The following CDKAL1 variants were observed in gnomAD, a reference collection of about 807,000 sequenced individuals.
The protein encoded by CDKAL1 is threonylcarbamoyladenosine tRNA methylthiotransferase.
In CDKAL1, 32 loss-of-function variants were observed where a neutral mutation model predicts 68.2. That is an observed-to-expected ratio of 0.47 (90% CI 0.35 to 0.63). The LOEUF (loss-of-function observed/expected upper bound fraction) is 0.63. Ranked by LOEUF, CDKAL1 falls within the 30% of genes least tolerant of loss-of-function variation. The pLI is 0.00. For missense variants in CDKAL1, 606 were observed against 696.7 expected (o/e 0.87, Z 1.47); for synonymous variants, 234 against 244.3 (o/e 0.96, Z 0.39).
intron 9 of CDKAL1, among the ~76,000 whole-genome samples, chr6:20,931,547 A>G (rs754777015): frequency 6.6e-6 from 1 of 152,190 alleles, no homozygotes; most frequent in Non-Finnish European, 1.5e-5. Context: ...TTCTTTCCAA[A>G]AATGTGTGGT....
chr6:20,710,448 C>G (rs1015420607), intron 5 of CDKAL1, among the ~76,000 whole-genome samples: 1 of 152,162 alleles, frequency 6.6e-6, no homozygotes, highest in Admixed American at 6.5e-5. Flanking sequence ...GTGCAGTAGG[C>G]TGTACCATCT....
intron 4 of CDKAL1, among the ~76,000 whole-genome samples, chr6:20,590,331 AATTTT>A (rs1290536207): frequency 2.0e-5 from 3 of 151,372 alleles, no homozygotes; most frequent in African/African-American, 7.4e-5. Flanking sequence ...AGGGCACCAT[AATTTT>A]ATTTTTTTGT....
chr6:20,558,014 A>G (rs1764128500), intron 4 of CDKAL1, among the ~76,000 whole-genome samples: 2 of 152,220 alleles, frequency 1.3e-5, no homozygotes, highest in South Asian at 4.1e-4. Flanking sequence ...TCCTGTGGAA[A>G]TGTGCTTATG....
intron 10 of CDKAL1, among the ~76,000 whole-genome samples, chr6:20,991,286 T>A (rs767606691): frequency 6.6e-6 from 1 of 152,142 alleles, no homozygotes; most frequent in Non-Finnish European, 1.5e-5. Flanking sequence ...ATGGGAGAGT[T>A]GTTTAATGGG....
chr6:20,837,937 TTG>T (rs531904726), intron 8 of CDKAL1, among the ~76,000 whole-genome samples: 4,402 of 123,122 alleles, frequency 0.036, 78 homozygotes, highest in African/African-American at 0.043. Context: ...TGGGAAGAAA[TTG>T]TGTGTGTGTG....
intron 9 of CDKAL1, among the ~76,000 whole-genome samples, chr6:20,877,571 C>T (rs1286660950): frequency 6.6e-6 from 1 of 152,206 alleles, no homozygotes; most frequent in Non-Finnish European, 1.5e-5. Flanking sequence ...TGTATTACCG[C>T]AGCTGGCCCT....
chr6:20,985,160 T>C (rs1324250725), intron 10 of CDKAL1, among the ~76,000 whole-genome samples: 1 of 152,220 alleles, frequency 6.6e-6, no homozygotes, highest in Non-Finnish European at 1.5e-5. Context: ...CATTCATATG[T>C]ATGTTGCATA....
chr6:21,160,228 C>T (rs1209842453), intron 13 of CDKAL1, among the ~76,000 whole-genome samples: 1 of 152,128 alleles, frequency 6.6e-6, no homozygotes, highest in African/African-American at 2.4e-5. Context: ...AAAATGGCTC[C>T]TGAGCAGTCA....
intron 5 of CDKAL1, among the ~76,000 whole-genome samples, chr6:20,672,987 G>T (rs112190195): frequency 6.6e-6 from 1 of 152,076 alleles, no homozygotes; most frequent in Non-Finnish European, 1.5e-5. Context: ...ATGTTGGCCA[G>T]GCTGGTCTTG....
At chr6:20,891,333 C>G (rs1377142531) in intron 9 of CDKAL1, among the ~76,000 whole-genome samples, 1 of 152,128 alleles carries the variant, frequency 6.6e-6, no homozygotes, top group Non-Finnish European at 1.5e-5. Flanking sequence ...GGCTTGAGCT[C>G]TGACGTGATC....
chr6:20,842,794 G>A (rs1182357671), intron 8 of CDKAL1, among the ~76,000 whole-genome samples: 3 of 152,168 alleles, frequency 2.0e-5, no homozygotes, highest in African/African-American at 4.8e-5. Flanking sequence ...TCACGACATT[G>A]CACTTCAGTC....
At chr6:20,843,799 T>A (rs1581685954) in intron 8 of CDKAL1, among the ~76,000 whole-genome samples, 1 of 152,132 alleles carries the variant, frequency 6.6e-6, no homozygotes, top group East Asian at 1.9e-4. Flanking sequence ...TTTATGGAGC[T>A]TTCCATTGGT....
At chr6:21,124,143 A>G (rs566520952) in intron 13 of CDKAL1, among the ~76,000 whole-genome samples, 22 of 152,350 alleles carry the variant, frequency 1.4e-4, no homozygotes, top group Admixed American at 6.5e-4. Flanking sequence ...TTGAATATGT[A>G]ATAGATATGT....
chr6:20,560,067 C>G (rs1764208262), intron 4 of CDKAL1, among the ~76,000 whole-genome samples: 1 of 152,034 alleles, frequency 6.6e-6, no homozygotes, highest in Non-Finnish European at 1.5e-5. Flanking sequence ...TTAAAATTGT[C>G]ATGTGTTTGG....
At chr6:21,039,522 T>A (rs1434020798) in intron 11 of CDKAL1, among the ~76,000 whole-genome samples, 4 of 152,212 alleles carry the variant, frequency 2.6e-5, no homozygotes, top group Non-Finnish European at 5.9e-5. Context: ...ACAGTAAGCT[T>A]TATTGATAGT....
chr6:20,962,703 G>T (rs1765111717), intron 10 of CDKAL1, among the ~76,000 whole-genome samples: 1 of 151,970 alleles, frequency 6.6e-6, no homozygotes, highest in African/African-American at 2.4e-5. Context: ...TGGAATAATA[G>T]AATAATATGT....
intron 8 of CDKAL1, among the ~76,000 whole-genome samples, chr6:20,837,618 T>A (rs1778000700): frequency 6.6e-6 from 1 of 152,132 alleles, no homozygotes. Context: ...TTCCCATAAG[T>A]TGACCTTTAG....
chr6:20,804,406 G>A (rs1299938829), intron 8 of CDKAL1, among the ~76,000 whole-genome samples: 16 of 152,224 alleles, frequency 1.1e-4, no homozygotes, highest in Non-Finnish European at 8.8e-5. Flanking sequence ...ACAAACTACA[G>A]CCTGTGGGCC....
At chr6:21,053,631 T>A (rs1388276912) in intron 11 of CDKAL1, among the ~76,000 whole-genome samples, 2 of 151,982 alleles carry the variant, frequency 1.3e-5, no homozygotes, top group Non-Finnish European at 2.9e-5. Flanking sequence ...TAATATCTGT[T>A]ATTTTTTTTT....
Sources: allele counts gnomAD v4.1 joint callset (sites outside exome capture counted in the v4.1 genomes callset), GRCh38; gene constraint gnomAD v4.1.1; transcripts MANE v1.5; gene names NCBI Gene and HGNC (gene_info 2026-07-23, HGNC 2026-07-21).